Variants in LARP1 observed in about 807,000 individuals in gnomAD.
LARP1 encodes the protein la-related protein 1.
LARP1 carries 36 observed loss-of-function variants against 122.7 expected under a neutral mutation model. That is an observed-to-expected ratio of 0.29 (90% CI 0.22 to 0.39). The LOEUF is 0.39. LARP1 is among the 10% of genes least tolerant of loss of function. The pLI is 1.00. For missense variants in LARP1, 1,040 were observed against 1,403.6 expected, an observed-to-expected ratio of 0.74 and a Z score of 4.14; for synonymous variants, 539 against 528.7, an observed-to-expected ratio of 1.02 and a Z score of -0.27.
At chr5:154,715,104 C>A (rs1229193460) in intron 1 of LARP1, among the ~76,000 whole-genome samples, 1 of 150,582 alleles carries the variant, frequency 6.6e-6, no homozygotes. Flanking sequence ...CGCTTGAACC[C>A]GGGAGGCAGA....
intron 1 of LARP1, among the ~76,000 whole-genome samples, chr5:154,782,791 C>T (rs1001022787): frequency 2.0e-5 from 3 of 152,206 alleles, no homozygotes; most frequent in Non-Finnish European, 2.9e-5. Flanking sequence ...GGCAGAGAGG[C>T]CTCTGAGAGA....
At position 154,755,919 on chromosome 5, in the gene LARP1, G is replaced by C; in HGVS notation, c.162G>C (p.Arg54=). The C allele has an allele frequency of 2.0e-6, 2 of 1,004,526 alleles. No individual in the cohort carries two copies. The highest frequency in any genetic ancestry group is 2.4e-6 in the Non-Finnish European group (2 of 841,726). 62.2% of individuals were successfully genotyped at this position (1,004,526 alleles called of 1,614,324 possible). A position where few individuals can be genotyped will look rare whatever the true frequency, so the allele number is the denominator to read the frequency against. Reference sequence around the variant, plus strand: ...GGGGGGAGCCGGACGGCAGCGCTCGGAGACCCCGGCCGCCCTGCGCCAAGC... The same window carrying C: ...GGGGGGAGCCGGACGGCAGCGCTCGCAGACCCCGGCCGCCCTGCGCCAAGC... ...VRGGEPDGSA[R]RPRPPCAKPH... Residue 54 remains arginine, a synonymous_variant, in exon 1 of 19, where the codon CGG becomes CGC. Transcript: ENST00000518297.
At chr5:154,811,857 T>G (rs907087708) in intron 18 of LARP1, among the ~76,000 whole-genome samples, 13 of 152,306 alleles carry the variant, frequency 8.5e-5, no homozygotes, top group African/African-American at 3.1e-4. Context: ...GCTTACCCTT[T>G]CTGTGGTACC....
chr5:154,710,024 A>C (rs1755138735), upstream of LARP1, among the ~76,000 whole-genome samples: 1 of 152,172 alleles, frequency 6.6e-6, no homozygotes, highest in South Asian at 2.1e-4. Flanking sequence ...AATAGGGTTC[A>C]GGCTTCTATG....
At chr5:154,783,701 GATCAAGATTAAGAGA>G (rs555845192) in intron 1 of LARP1, among the ~76,000 whole-genome samples, 160 of 152,166 alleles carry the variant, frequency 1.1e-3, no homozygotes, top group African/African-American at 3.5e-3. Context: ...AATTCAACAC[GATCAAGATTAAGAGA>G]ATCCATGCCC....
intron 1 of LARP1, among the ~76,000 whole-genome samples, chr5:154,695,459 C>G (rs1754425530): frequency 6.6e-6 from 1 of 151,960 alleles, no homozygotes; most frequent in African/African-American, 2.4e-5. Flanking sequence ...GAGCTCGAGA[C>G]CAGCCTGACC....
intron 1 of LARP1, among the ~76,000 whole-genome samples, chr5:154,732,189 C>A (rs200092805): frequency 0.021 from 805 of 38,520 alleles, 4 homozygotes; most frequent in African/African-American, 0.051. Context: ...CAAAACAAAA[C>A]AAAAAAAAAA....
At chr5:154,752,321 C>A (rs1034584484), upstream of LARP1, among the ~76,000 whole-genome samples, 3 of 152,054 alleles carry the variant, frequency 2.0e-5, no homozygotes, top group African/African-American at 7.2e-5. Flanking sequence ...CGGCTTACTG[C>A]AACCTCCGCC....
chr5:154,684,865 G>A (rs1002057699), intron 1 of LARP1, among the ~76,000 whole-genome samples: 1 of 152,184 alleles, frequency 6.6e-6, no homozygotes, highest in South Asian at 2.1e-4. Context: ...CTACCATTGT[G>A]CACTCTCTCA....
rs113512184 is a variant in LARP1 at position 154,810,786 on chromosome 5, C to T, written c.2844-461C>T. Among the ~76,000 whole-genome samples, 899 of 152,248 alleles carry T rather than the reference C, an allele frequency of 5.9e-3. 8 individuals carry two copies. The highest frequency in any genetic ancestry group is 0.021 in the African/African-American group (861 of 41,544). Reference sequence around the variant, plus strand: ...ATAGACATGAGCCACAGCGCCTGGCCGCATGTGTTCCTTGAAGTGAAATTT... The same window carrying T: ...ATAGACATGAGCCACAGCGCCTGGCTGCATGTGTTCCTTGAAGTGAAATTT... On this transcript the variant is annotated intron_variant, in intron 16 of 18. Transcript: ENST00000518297.
At chr5:154,744,232 A>T (rs1268267320) in intron 1 of LARP1, among the ~76,000 whole-genome samples, 1 of 152,078 alleles carries the variant, frequency 6.6e-6, no homozygotes, top group Non-Finnish European at 1.5e-5. Context: ...AGCAAATCCT[A>T]CTTCCCAGTT....
intron 6 of LARP1, 49 bp downstream of exon 6, chr5:154,794,049 G>T: frequency 1.9e-6 from 3 of 1,611,444 alleles, no homozygotes; most frequent in Non-Finnish European, 2.5e-6. Flanking sequence ...TGTGCAGCAG[G>T]GGTGGTGGGC....
chr5:154,769,184 G>A (rs1755200293), intron 1 of LARP1, among the ~76,000 whole-genome samples: 1 of 152,196 alleles, frequency 6.6e-6, no homozygotes, highest in African/African-American at 2.4e-5. Context: ...TGTAAATTAT[G>A]TGAATAAAGC....
chr5:154,734,370 G>T (rs1425379978), intron 1 of LARP1, among the ~76,000 whole-genome samples: 1 of 152,076 alleles, frequency 6.6e-6, no homozygotes, highest in Non-Finnish European at 1.5e-5. Flanking sequence ...CAAGACAGAG[G>T]CTGAAATAGG....
intron 1 of LARP1, among the ~76,000 whole-genome samples, chr5:154,692,422 C>T (rs1226017539): frequency 6.6e-6 from 1 of 152,166 alleles, no homozygotes. Flanking sequence ...GGAACACACT[C>T]AACTCACCCT....
chr5:154,685,822 TA>T (rs33982250), intron 1 of LARP1: 240,158 of 467,090 alleles, frequency 0.51, 42,592 homozygotes, highest in African/African-American at 0.62. Context: ...TTTTTTTTTT[TA>T]AATTTTAGAG....
intron 1 of LARP1, among the ~76,000 whole-genome samples, chr5:154,746,254 G>C (rs1753193269): frequency 6.6e-6 from 1 of 152,216 alleles, no homozygotes; most frequent in Non-Finnish European, 1.5e-5. Flanking sequence ...TTCCACACTA[G>C]TCTCTAGGGC....
intron 4 of LARP1, among the ~76,000 whole-genome samples, chr5:154,793,373 C>T (rs1757488974): frequency 6.6e-6 from 1 of 152,206 alleles, no homozygotes; most frequent in South Asian, 2.1e-4. Flanking sequence ...CATGGAGACA[C>T]TGATCTTGGG....
intron 8 of LARP1, among the ~76,000 whole-genome samples, chr5:154,796,114 A>T (rs1582441384): frequency 9.4e-6 from 1 of 106,730 alleles, no homozygotes; most frequent in Non-Finnish European, 1.7e-5. Flanking sequence ...TATATATAGT[A>T]TATATATTAT....
Sources: gnomAD v4.1 joint callset for allele counts (sites outside exome capture counted in the v4.1 genomes callset) on GRCh38, gnomAD v4.1.1 for gene constraint, MANE v1.5 for transcripts, NCBI Gene and HGNC (gene_info 2026-07-23, HGNC 2026-07-21) for gene names.